SEMA3A: variants seen among roughly 807,000 people sequenced by gnomAD.
The protein encoded by SEMA3A is semaphorin 3A.
A neutral mutation model predicts 97.9 loss-of-function variants in SEMA3A; 29 were observed. The ratio of observed to expected loss-of-function variants is 0.30; its 90% CI spans 0.22 to 0.40. The LOEUF (loss-of-function observed/expected upper bound fraction) is 0.40. Among genes scored for constraint, SEMA3A ranks in the 10% least tolerant of loss-of-function variants. SEMA3A has a pLI of 1.00. For synonymous variants in SEMA3A, 321 were observed against 323.7 expected (o/e 0.99, Z 0.09); for missense variants, 763 against 951.3 (o/e 0.80, Z 2.60).
chr7:84,101,809 A>C (rs1385470261), intron 4 of SEMA3A, among the ~76,000 whole-genome samples: 2 of 152,136 alleles, frequency 1.3e-5, no homozygotes, highest in African/African-American at 4.8e-5. Flanking sequence ...TACTAGTCAA[A>C]TGAAACTATT....
chr7:84,075,201 A>T (rs1322623063), intron 4 of SEMA3A, among the ~76,000 whole-genome samples: 1 of 142,904 alleles, frequency 7.0e-6, no homozygotes, highest in African/African-American at 2.6e-5. Flanking sequence ...TTTGAGACAG[A>T]GTTTTGCTGT....
intron 1 of SEMA3A, among the ~76,000 whole-genome samples, chr7:84,421,187 T>G (rs1335136327): frequency 2.0e-5 from 3 of 152,052 alleles, no homozygotes; most frequent in Non-Finnish European, 4.4e-5. Context: ...AGCTGATATT[T>G]TATATAAAAC....
chr7:84,257,107 G>C (rs1468745989), intron 3 of SEMA3A, among the ~76,000 whole-genome samples: 1 of 151,944 alleles, frequency 6.6e-6, no homozygotes, highest in Non-Finnish European at 1.5e-5. Context: ...GAATCAAATG[G>C]TAACAAGGGA....
intron 1 of SEMA3A, among the ~76,000 whole-genome samples, chr7:84,372,825 A>T (rs1302922308): frequency 6.6e-6 from 1 of 152,110 alleles, no homozygotes; most frequent in Non-Finnish European, 1.5e-5. Flanking sequence ...TACTGGCACT[A>T]CTTCTCACTT....
intron 1 of SEMA3A, among the ~76,000 whole-genome samples, chr7:84,424,943 A>G (rs1485005293): frequency 4.1e-5 from 4 of 97,092 alleles, no homozygotes; most frequent in Non-Finnish European, 6.9e-5. Context: ...ATATAAATAT[A>G]TATTTATAAT....
At chr7:84,474,405 A>C (rs181259665) in intron 1 of SEMA3A, among the ~76,000 whole-genome samples, 71 of 152,312 alleles carry the variant, frequency 4.7e-4, no homozygotes, top group Non-Finnish European at 8.5e-4. Flanking sequence ...CAGATTGTGT[A>C]GTTCCCTCCT....
At chr7:84,250,331 C>T (rs1166200313) in intron 3 of SEMA3A, among the ~76,000 whole-genome samples, 1 of 151,770 alleles carries the variant, frequency 6.6e-6, no homozygotes, top group African/African-American at 2.4e-5. Context: ...TTAATTGCTT[C>T]CATTTTGTTT....
intron 1 of SEMA3A, among the ~76,000 whole-genome samples, chr7:84,429,573 G>C (rs1208386690): frequency 3.9e-5 from 5 of 129,670 alleles, no homozygotes; most frequent in African/African-American, 9.1e-5. Context: ...GAGAGAGAGA[G>C]GTTAAAATCG....
intron 2 of SEMA3A, among the ~76,000 whole-genome samples, chr7:84,347,805 G>A (rs1208688165): frequency 6.6e-6 from 1 of 152,072 alleles, no homozygotes; most frequent in African/African-American, 2.4e-5. Flanking sequence ...CAAAGTTTGA[G>A]ATTCATACAG....
intron 3 of SEMA3A, among the ~76,000 whole-genome samples, chr7:84,113,349 G>T (rs1278772398): frequency 1.3e-5 from 2 of 152,130 alleles, no homozygotes; most frequent in East Asian, 3.9e-4. Context: ...TCATTCTCTA[G>T]CTTGTTGCTG....
chr7:84,467,902 C>A (rs1806047469), intron 1 of SEMA3A, among the ~76,000 whole-genome samples: 1 of 152,084 alleles, frequency 6.6e-6, no homozygotes, highest in African/African-American at 2.4e-5. Context: ...TTTATATTTT[C>A]TAATACTCTG....
At chr7:84,015,935 A>G (rs555337323) in intron 6 of SEMA3A, among the ~76,000 whole-genome samples, 1 of 152,308 alleles carries the variant, frequency 6.6e-6, no homozygotes, top group Admixed American at 6.5e-5. Flanking sequence ...GGAGAATAAT[A>G]GTTTTAAAGT....
chr7:84,385,164 G>C (rs775984350), intron 1 of SEMA3A, among the ~76,000 whole-genome samples: 2 of 151,846 alleles, frequency 1.3e-5, no homozygotes, highest in African/African-American at 2.4e-5. Context: ...AGAGTGAGAG[G>C]CATGTAGAAG....
chr7:84,035,633 A>G (rs56144277), intron 6 of SEMA3A, among the ~76,000 whole-genome samples: 7,530 of 152,078 alleles, frequency 0.05, 623 homozygotes, highest in African/African-American at 0.17. Context: ...TAATTAATTT[A>G]TTATCATTTT....
intron 1 of SEMA3A, among the ~76,000 whole-genome samples, chr7:84,467,666 A>G (rs1254435149): frequency 6.6e-6 from 1 of 151,866 alleles, no homozygotes; most frequent in Non-Finnish European, 1.5e-5. Flanking sequence ...CCCGTTTTCA[A>G]TGCATCCCAA....
At chr7:83,965,627 C>T (rs1171908149) in intron 15 of SEMA3A, among the ~76,000 whole-genome samples, 1 of 25,502 alleles carries the variant, frequency 3.9e-5, no homozygotes. Flanking sequence ...CCAATGGGTG[C>T]ATATATATAT....
At chr7:84,415,325 G>A (rs984707608) in intron 1 of SEMA3A, among the ~76,000 whole-genome samples, 26 of 152,082 alleles carry the variant, frequency 1.7e-4, no homozygotes, top group Admixed American at 8.5e-4. Flanking sequence ...GAACTAATGG[G>A]TATACCAAAG....
intron 2 of SEMA3A, among the ~76,000 whole-genome samples, chr7:84,365,053 TA>T (rs200438508): frequency 2.1e-4 from 32 of 149,954 alleles, no homozygotes; most frequent in Middle Eastern, 3.4e-3. Context: ...ACAAAGGGAA[TA>T]AAAAAAAATA....
At chr7:83,969,054 G>A (rs919027665) in intron 15 of SEMA3A, among the ~76,000 whole-genome samples, 9 of 151,706 alleles carry the variant, frequency 5.9e-5, no homozygotes, top group South Asian at 2.1e-4. Context: ...CAGGTGATCC[G>A]CCTGCCTCAG....
Sources: allele counts gnomAD v4.1 joint callset (sites outside exome capture counted in the v4.1 genomes callset), GRCh38; gene constraint gnomAD v4.1.1; transcripts MANE v1.5; gene names NCBI Gene and HGNC (gene_info 2026-07-23, HGNC 2026-07-21).